The following MKLN1 variants were observed in gnomAD, a reference collection of about 807,000 sequenced individuals.
MKLN1 encodes the protein muskelin.
In MKLN1, 18 loss-of-function variants were observed where a neutral mutation model predicts 99.0. The ratio of observed to expected loss-of-function variants is 0.18; its 90% CI spans 0.13 to 0.27. The LOEUF (loss-of-function observed/expected upper bound fraction) is 0.27, where lower values mean the gene tolerates loss of function less well. MKLN1 is among the 10% of genes least tolerant of loss of function. The probability of loss-of-function intolerance (pLI) is 1.00; values close to 1 mark genes in which losing one functional copy is unlikely to be tolerated. For missense variants in MKLN1, 621 were observed against 875.9 expected (o/e 0.71, Z 3.67); for synonymous variants, 288 against 293.2 (o/e 0.98, Z 0.18).
At chr7:131,205,304 C>T (rs1796793131) in intron 3 of MKLN1, among the ~76,000 whole-genome samples, 1 of 152,088 alleles carries the variant, frequency 6.6e-6, no homozygotes, top group Non-Finnish European at 1.5e-5. Context: ...ATTTAAAAAT[C>T]ACAACATTGG....
At chr7:131,317,881 G>A (rs189879598) in intron 3 of MKLN1, among the ~76,000 whole-genome samples, 1 of 151,492 alleles carries the variant, frequency 6.6e-6, no homozygotes, top group Admixed American at 6.6e-5. Flanking sequence ...AGGGATCAAT[G>A]CAACTAACAA....
intron 3 of MKLN1, among the ~76,000 whole-genome samples, chr7:131,211,912 G>A (rs1796911852): frequency 6.6e-6 from 1 of 152,208 alleles, no homozygotes; most frequent in Admixed American, 6.5e-5. Flanking sequence ...CCTCATCTCT[G>A]TAAAAGCAAA....
chr7:131,394,402 T>C (rs1377034101), intron 4 of MKLN1, among the ~76,000 whole-genome samples: 1 of 152,082 alleles, frequency 6.6e-6, no homozygotes, highest in Non-Finnish European at 1.5e-5. Context: ...GATGAAACTT[T>C]TCCATCTCAG....
chr7:131,465,491 A>G (rs896890258), intron 14 of MKLN1, among the ~76,000 whole-genome samples: 6 of 152,184 alleles, frequency 3.9e-5, no homozygotes, highest in Middle Eastern at 3.2e-3. Flanking sequence ...CACAAATTAT[A>G]TGTGCCATTT....
At chr7:131,328,059 G>A in intron 1 of MKLN1, 62 bp downstream of exon 1, 2 of 1,565,390 alleles carry the variant, frequency 1.3e-6, no homozygotes, top group Non-Finnish European at 1.7e-6. Flanking sequence ...GTTGGGCCAG[G>A]GGTGCAATGG....
chr7:131,374,801 T>A (rs1184675452), intron 1 of MKLN1, among the ~76,000 whole-genome samples: 1 of 152,152 alleles, frequency 6.6e-6, no homozygotes, highest in African/African-American at 2.4e-5. Context: ...ATATATATAT[T>A]CTATACGATG....
chr7:131,273,541 C>A (rs189150910), intron 3 of MKLN1, among the ~76,000 whole-genome samples: 140 of 152,126 alleles, frequency 9.2e-4, no homozygotes, highest in African/African-American at 3.2e-3. Context: ...GACTGTGGTT[C>A]AGCCGGCCAG....
chr7:131,389,164 A>G (rs976001147), intron 4 of MKLN1, among the ~76,000 whole-genome samples, 192 bp downstream of exon 4: 1 of 152,186 alleles, frequency 6.6e-6, no homozygotes, highest in Non-Finnish European at 1.5e-5. Flanking sequence ...AGTAGTTGCA[A>G]GAGACCACAG....
intron 3 of MKLN1, among the ~76,000 whole-genome samples, chr7:131,388,247 T>G (rs1794089604): frequency 6.6e-6 from 1 of 152,170 alleles, no homozygotes; most frequent in Non-Finnish European, 1.5e-5. Context: ...AAGCAAATAC[T>G]CTATACTGTA....
intron 3 of MKLN1, among the ~76,000 whole-genome samples, chr7:131,320,824 A>T (rs1000292247): frequency 6.6e-6 from 1 of 152,266 alleles, no homozygotes; most frequent in Non-Finnish European, 1.5e-5. Context: ...CAAACATATG[A>T]AAAATAGCTC....
At chr7:131,384,463 C>G (rs1793946869) in intron 2 of MKLN1, among the ~76,000 whole-genome samples, 1 of 151,962 alleles carries the variant, frequency 6.6e-6, no homozygotes. Context: ...GAAAAAAAAT[C>G]AAGAGCCACC....
rs571151379 is a variant in MKLN1, at chr7:131,402,880, G to A, written c.703+3447G>A. 2.0e-3 allele frequency among the ~76,000 whole-genome samples: 304 copies of A among 152,202 alleles called. 1 individual carries two copies. Among genetic ancestry groups the A allele is most frequent in the African/African-American group, 7.1e-3 (296 of 41,530 alleles). On this transcript the variant is annotated intron_variant, in intron 6 of 17. Coordinates refer to ENST00000352689, the MANE Select transcript of MKLN1 (RefSeq NM_013255.5). ...TCATCTAGGCTTTGTTACTCCATTTGTAGAGCACAGGCAGTAGATTCAGCT... is the reference window on the plus strand; with the variant it reads ...TCATCTAGGCTTTGTTACTCCATTTATAGAGCACAGGCAGTAGATTCAGCT...
intron 4 of MKLN1, among the ~76,000 whole-genome samples, chr7:131,390,695 T>G (rs1339972076): frequency 6.6e-6 from 1 of 152,118 alleles, no homozygotes; most frequent in East Asian, 1.9e-4. Flanking sequence ...GGTGAGAACA[T>G]TTAAGATCTA....
intron 3 of MKLN1, among the ~76,000 whole-genome samples, chr7:131,307,393 G>A (rs2116630441): frequency 1.3e-5 from 2 of 152,268 alleles, no homozygotes; most frequent in East Asian, 3.9e-4. Context: ...CCTGTGAGAA[G>A]AGGACAACCA....
At chr7:131,463,137 GAAAA>G (rs923986078) in intron 12 of MKLN1, 76 bp from the exon 13 acceptor site, 9 of 1,255,120 alleles carry the variant, frequency 7.2e-6, no homozygotes, top group Admixed American at 6.4e-5. Context: ...AAAAAAGAAA[GAAAA>G]GAAAGGAAGG....
intron 3 of MKLN1, among the ~76,000 whole-genome samples, chr7:131,212,661 C>T (rs780176475): frequency 3.3e-5 from 5 of 152,186 alleles, no homozygotes; most frequent in Non-Finnish European, 7.3e-5. Flanking sequence ...CAGTGGCTCA[C>T]GCCTGTAATC....
chr7:131,397,657 G>A (rs1480353922), intron 5 of MKLN1, among the ~76,000 whole-genome samples: 4 of 152,136 alleles, frequency 2.6e-5, no homozygotes, highest in Admixed American at 2.6e-4. Flanking sequence ...TCACACAATT[G>A]TAAAGTGTTT....
intron 3 of MKLN1, among the ~76,000 whole-genome samples, chr7:131,258,232 T>C (rs188837991): frequency 1.8e-4 from 28 of 152,170 alleles, no homozygotes; most frequent in Admixed American, 3.9e-4. Flanking sequence ...ACTGTAAATC[T>C]GGCCCTTTGC....
chr7:131,332,929 A>G (rs918259279), intron 1 of MKLN1, among the ~76,000 whole-genome samples: 3 of 151,046 alleles, frequency 2.0e-5, no homozygotes, highest in Non-Finnish European at 4.4e-5. Flanking sequence ...ACGCCTGGCT[A>G]ATTTTTTTTT....
Sources: allele counts gnomAD v4.1 joint callset (sites outside exome capture counted in the v4.1 genomes callset), GRCh38; gene constraint gnomAD v4.1.1; transcripts MANE v1.5; gene names NCBI Gene and HGNC (gene_info 2026-07-23, HGNC 2026-07-21).